PIK3CB: variants seen among roughly 807,000 people sequenced by gnomAD.
PIK3CB encodes the protein phosphatidylinositol-4,5-bisphosphate 3-kinase catalytic subunit beta.
A neutral mutation model predicts 136.8 loss-of-function variants in PIK3CB; 39 were observed. The observed-to-expected ratio is 0.29, with a 90% CI of 0.22 to 0.37. The LOEUF is 0.37. Ranked by LOEUF, PIK3CB falls within the 10% of genes least tolerant of loss-of-function variation. The pLI is 1.00. For synonymous variants in PIK3CB, 428 were observed against 436.6 expected (o/e 0.98, Z 0.25); for missense variants, 868 against 1,275.4 (o/e 0.68, Z 4.87).
chr3:138,680,215 G>A (rs1052774128), intron 19 of PIK3CB, among the ~76,000 whole-genome samples: 6 of 151,702 alleles, frequency 4.0e-5, no homozygotes, highest in African/African-American at 9.7e-5. Context: ...AAAATTAGCC[G>A]GGCGTGGTGG....
chr3:138,805,658 C>T (rs1317322998), intron 1 of PIK3CB, among the ~76,000 whole-genome samples: 2 of 151,860 alleles, frequency 1.3e-5, no homozygotes, highest in Non-Finnish European at 2.9e-5. Flanking sequence ...GGCCACAGAG[C>T]GAGACTCCGT....
At chr3:138,764,301 A>AG (rs938790737) in intron 2 of PIK3CB, among the ~76,000 whole-genome samples, 3 of 150,480 alleles carry the variant, frequency 2.0e-5, no homozygotes, top group African/African-American at 7.4e-5. Flanking sequence ...AAAAAAAAAA[A>AG]TTAGCCAAGA....
chr3:138,737,896 G>A lies in PIK3CB; in HGVS notation c.622-10C>T, dbSNP rs554913575. 49 of 1,554,722 alleles carry A rather than the reference G, an allele frequency of 3.2e-5. No homozygotes were observed. The African/African-American group carries it at 6.3e-4, about 20-fold the overall frequency. ...GAAAGCTAAACACGTCCTGAAGGGG[G>A]AGGGAGATGGGGAAAAAAGCAGTAA... On this transcript the variant is annotated splice_polypyrimidine_tract_variant and intron_variant, in intron 5 of 23. Coordinates refer to ENST00000674063, the MANE Select transcript of PIK3CB (RefSeq NM_006219.3).
In PIK3CB at chr3:138,834,876, C is replaced by A; in HGVS notation, c.-303G>T. 6.6e-6 allele frequency: 1 copy of A among 152,066 alleles called. No individual in the cohort carries two copies. Among genetic ancestry groups the A allele is most frequent in the South Asian group, 2.0e-4 (1 of 4,890 alleles). 9.4% of individuals were successfully genotyped at this position (152,066 alleles called of 1,614,324 possible). On this transcript the variant is annotated 5_prime_UTR_variant, in exon 1 of 24. Transcript: ENST00000674063. ...GCCATGGCCCGCTCCGCCGCAGCGC[C>A]GCACAGGCCGACAGAGCACGCGCGC...
intron 2 of PIK3CB, among the ~76,000 whole-genome samples, chr3:138,784,551 T>C (rs1319169919): frequency 6.6e-6 from 1 of 152,190 alleles, no homozygotes; most frequent in East Asian, 1.9e-4. Context: ...TGCCTCAGCC[T>C]GAGGAGTGCC....
chr3:138,732,816 T>C (rs1271601473), intron 8 of PIK3CB, among the ~76,000 whole-genome samples: 1 of 151,510 alleles, frequency 6.6e-6, no homozygotes, highest in Non-Finnish European at 1.5e-5. Context: ...ATGAGATCTA[T>C]AGTTTTGGCT....
At chr3:138,751,406 C>T (rs943601331) in intron 4 of PIK3CB, among the ~76,000 whole-genome samples, 11 of 151,098 alleles carry the variant, frequency 7.3e-5, no homozygotes, top group Non-Finnish European at 1.5e-4. Flanking sequence ...TGCAGTGAGC[C>T]GAGATGGCGC....
intron 12 of PIK3CB, among the ~76,000 whole-genome samples, chr3:138,701,509 G>A (rs376806319): frequency 3.9e-5 from 6 of 152,072 alleles, no homozygotes; most frequent in African/African-American, 1.4e-4. Context: ...TGATGTGGCC[G>A]GGCGTGGTGG....
intron 1 of PIK3CB, among the ~76,000 whole-genome samples, chr3:138,813,738 C>T (rs1405224325): frequency 6.6e-6 from 1 of 152,090 alleles, no homozygotes; most frequent in Non-Finnish European, 1.5e-5. Flanking sequence ...TACTCTATAC[C>T]AGGCATTATG....
At chr3:138,760,485 G>C (rs1421038573) in intron 2 of PIK3CB, among the ~76,000 whole-genome samples, 2 of 152,184 alleles carry the variant, frequency 1.3e-5, no homozygotes, top group Non-Finnish European at 2.9e-5. Context: ...TGCCATTTAA[G>C]TCTTACCTAT....
At chr3:138,733,731 A>G (rs2045040486) in intron 7 of PIK3CB, among the ~76,000 whole-genome samples, 1 of 152,066 alleles carries the variant, frequency 6.6e-6, no homozygotes, top group South Asian at 2.1e-4. Context: ...ACAAAAAATT[A>G]GCTGGGCATG....
At chr3:138,789,800 C>A (rs2046028046) in intron 2 of PIK3CB, among the ~76,000 whole-genome samples, 1 of 151,482 alleles carries the variant, frequency 6.6e-6, no homozygotes. Context: ...GGGTGATTAT[C>A]CTGACTCAGC....
intron 8 of PIK3CB, among the ~76,000 whole-genome samples, chr3:138,727,695 C>G (rs182599022): frequency 6.6e-6 from 1 of 152,290 alleles, no homozygotes; most frequent in Admixed American, 6.5e-5. Context: ...TATCCAGCAA[C>G]AGAAAACTAA....
At chr3:138,790,727 T>C (rs1402309400) in intron 2 of PIK3CB, among the ~76,000 whole-genome samples, 1 of 147,264 alleles carries the variant, frequency 6.8e-6, no homozygotes, top group Non-Finnish European at 1.5e-5. Context: ...GGCAGGAGAA[T>C]GGCGTGAGCC....
At chr3:138,771,871 C>G (rs1027726927) in intron 2 of PIK3CB, among the ~76,000 whole-genome samples, 2 of 146,728 alleles carry the variant, frequency 1.4e-5, no homozygotes, top group African/African-American at 5.0e-5. Flanking sequence ...ACAGTGAACC[C>G]TGTTTGCAGA....
intron 19 of PIK3CB, among the ~76,000 whole-genome samples, chr3:138,667,459 G>C (rs925905878): frequency 1.3e-5 from 2 of 151,964 alleles, no homozygotes; most frequent in African/African-American, 4.8e-5. Context: ...ATATGAGTGT[G>C]TTAGCATGTA....
At chr3:138,748,656 A>G (rs967133333) in intron 4 of PIK3CB, among the ~76,000 whole-genome samples, 3 of 152,236 alleles carry the variant, frequency 2.0e-5, no homozygotes, top group African/African-American at 7.2e-5. Context: ...TAAAAATACA[A>G]TCAATCTTTG....
At position 138,748,160 on chromosome 3, in the gene PIK3CB, C is replaced by CAT. The variant is rs772636428; in HGVS notation, c.398-5380_398-5379insAT. Among the ~76,000 whole-genome samples, 3 of 32,266 alleles carry CAT rather than the reference C, an allele frequency of 9.3e-5. No homozygotes were observed. In the East Asian group the frequency reaches 0.032, roughly 343 times the overall value. 21.2% of individuals were successfully genotyped at this position (32,266 alleles called of 152,430 possible). On this transcript the variant is annotated intron_variant, in intron 4 of 23. Coordinates refer to ENST00000674063, the MANE Select transcript of PIK3CB (RefSeq NM_006219.3). ...TGCAATATTTATTAGAAATCATACA[C>CAT]ACACACACACACACACACACACACA...
intron 13 of PIK3CB, among the ~76,000 whole-genome samples, chr3:138,698,121 T>A (rs978580698): frequency 6.6e-6 from 1 of 152,242 alleles, no homozygotes; most frequent in Non-Finnish European, 1.5e-5. Context: ...CAAAGATTTT[T>A]AAAATGCATA....
Sources: gnomAD v4.1 joint callset for allele counts (sites outside exome capture counted in the v4.1 genomes callset) on GRCh38, gnomAD v4.1.1 for gene constraint, MANE v1.5 for transcripts, NCBI Gene and HGNC (gene_info 2026-07-23, HGNC 2026-07-21) for gene names.